Variants in GRIN2A observed in about 807,000 individuals in gnomAD.
The protein encoded by GRIN2A is glutamate ionotropic receptor NMDA type subunit 2A, also known as glutamate receptor ionotropic, NMDA 2A.
In GRIN2A, 22 loss-of-function variants were observed where a neutral mutation model predicts 113.4. The ratio of observed to expected loss-of-function variants is 0.19; its 90% confidence interval spans 0.14 to 0.28. GRIN2A has a LOEUF of 0.28. GRIN2A is among the 10% of genes least tolerant of loss of function. GRIN2A has a pLI of 1.00. For missense variants in GRIN2A, 1,502 were observed against 1,887.0 expected (o/e 0.80, Z 3.78); for synonymous variants, 827 against 738.4 (o/e 1.12, Z -1.94).
At chr16:9,892,542 A>G (rs1021512404) in intron 3 of GRIN2A, among the ~76,000 whole-genome samples, 1 of 152,212 alleles carries the variant, frequency 6.6e-6, no homozygotes, top group South Asian at 2.1e-4. Flanking sequence ...AGAGGCATCA[A>G]CGATGACTCC....
chr16:9,801,655 C>A (rs1903368696), intron 10 of GRIN2A, among the ~76,000 whole-genome samples: 1 of 152,174 alleles, frequency 6.6e-6, no homozygotes, highest in African/African-American at 2.4e-5. Context: ...TCTTTGGGAA[C>A]AAAGTTTATA....
chr16:9,801,806 T>G (rs1903379479), intron 10 of GRIN2A, among the ~76,000 whole-genome samples: 1 of 152,116 alleles, frequency 6.6e-6, no homozygotes, highest in Non-Finnish European at 1.5e-5. Flanking sequence ...GGCACACAAT[T>G]GGGCCAGCCC....
At position 9,798,308 on chromosome 16, in the gene GRIN2A, G is replaced by C. The variant is rs748291723; in HGVS notation, c.2325C>G (p.Ile775Met). The C allele has an allele frequency of 1.2e-6, 2 of 1,614,014 alleles. No homozygotes were observed. The highest frequency in any genetic ancestry group is 4.5e-5 in the East Asian group (2 of 44,834). The change falls in exon 11 of 13, where the codon ATC becomes ATG. Residue 775 changes from isoleucine (I) to methionine (M), a missense_variant. Physicochemically the swap from Ile to Met is conservative, Grantham distance 10. Around this residue, in one of 7 missense-constraint regions of GRIN2A, gnomAD observed 101 missense variants for 240.4 expected, o/e 0.42. Coordinates refer to ENST00000330684, the MANE Select transcript of GRIN2A (RefSeq NM_001134407.3). ...LQKGSPWKRQIDLALLQFVGD... is the reference protein window; with the variant it reads ...LQKGSPWKRQMDLALLQFVGD... ...CCACAAACTGAAGCAAGGCCAGGTC[G>C]ATCTGCCTCTTCCAAGGAGAGCCTT...
Position 10,052,107 on chromosome 16 carries a change from C to T in GRIN2A, c.415-113556G>A, listed in dbSNP as rs112189374. On this transcript the variant is annotated intron_variant, in intron 2 of 12. Coordinates refer to ENST00000330684, the MANE Select transcript of GRIN2A (RefSeq NM_001134407.3). ...ATAGTGGCCAGTAGACAATGGCACACATGCCCAAAACATTGTCATCAGGAA... is the reference window on the plus strand; with the variant it reads ...ATAGTGGCCAGTAGACAATGGCACATATGCCCAAAACATTGTCATCAGGAA... Among the ~76,000 whole-genome samples, 299 of 152,318 alleles carry T rather than the reference C, an allele frequency of 2.0e-3. 2 individuals carry two copies. The highest frequency in any genetic ancestry group is 7.0e-3 in the African/African-American group (290 of 41,564).
intron 2 of GRIN2A, among the ~76,000 whole-genome samples, chr16:10,165,689 GGGGAGGGGAGAAA>G: frequency 1.6e-4 from 2 of 12,516 alleles, no homozygotes; most frequent in African/African-American, 3.4e-4. Flanking sequence ...GGGGAGGGGA[GGGGAGGGGAGAAA>G]GGAGGGGAGG....
At chr16:9,991,544 C>A (rs2046112701) in intron 2 of GRIN2A, among the ~76,000 whole-genome samples, 1 of 152,184 alleles carries the variant, frequency 6.6e-6, no homozygotes, top group Non-Finnish European at 1.5e-5. Context: ...TCATTCTTCA[C>A]CTCCTCCCAT....
intron 2 of GRIN2A, among the ~76,000 whole-genome samples, chr16:10,042,387 C>T (rs7197547): frequency 0.54 from 81,623 of 151,738 alleles, 22,872 homozygotes; most frequent in East Asian, 0.94. Flanking sequence ...AGCAGCCCCA[C>T]GGAGAGGTTC....
intron 12 of GRIN2A, among the ~76,000 whole-genome samples, chr16:9,767,815 T>A (rs1901013794): frequency 1.3e-5 from 2 of 152,252 alleles, no homozygotes; most frequent in African/African-American, 4.8e-5. Flanking sequence ...TACACCTGTG[T>A]TTCCTTTCAT....
At chr16:9,992,261 C>T (rs780604478) in intron 2 of GRIN2A, among the ~76,000 whole-genome samples, 2 of 151,986 alleles carry the variant, frequency 1.3e-5, no homozygotes, top group African/African-American at 4.8e-5. Flanking sequence ...TAATAAGAAG[C>T]CTTCTCAGAG....
At chr16:9,804,374 A>G (rs558553332) in intron 10 of GRIN2A, among the ~76,000 whole-genome samples, 1 of 152,224 alleles carries the variant, frequency 6.6e-6, no homozygotes, top group East Asian at 1.9e-4. Flanking sequence ...AGAGCATCCA[A>G]CTGAAAGCCC....
intron 2 of GRIN2A, among the ~76,000 whole-genome samples, chr16:10,070,705 C>T (rs2047732802): frequency 6.6e-6 from 1 of 152,200 alleles, no homozygotes; most frequent in Admixed American, 6.5e-5. Context: ...CCCTCTACTC[C>T]TGTGTGGACC....
intron 4 of GRIN2A, among the ~76,000 whole-genome samples, chr16:9,875,825 G>A (rs1196859913): frequency 6.6e-6 from 1 of 152,154 alleles, no homozygotes; most frequent in Non-Finnish European, 1.5e-5. Flanking sequence ...GGTCTTTCAG[G>A]AAGTTTTTTC....
chr16:9,908,930 G>A (rs2044080091), intron 3 of GRIN2A, among the ~76,000 whole-genome samples: 3 of 152,208 alleles, frequency 2.0e-5, no homozygotes, highest in African/African-American at 7.2e-5. Context: ...GGTCAGCCAG[G>A]AGCAAGTGGT....
At chr16:10,084,434 T>A (rs1049465789) in intron 2 of GRIN2A, among the ~76,000 whole-genome samples, 1 of 152,080 alleles carries the variant, frequency 6.6e-6, no homozygotes, top group Non-Finnish European at 1.5e-5. Context: ...GAACCTGGGG[T>A]CCAACACCAA....
chr16:9,976,843 C>T (rs2045783051), intron 2 of GRIN2A, among the ~76,000 whole-genome samples: 1 of 152,200 alleles, frequency 6.6e-6, no homozygotes, highest in South Asian at 2.1e-4. Context: ...GCCAGCCTGA[C>T]ACCACATCGC....
At chr16:10,005,625 G>C (rs1295500055) in intron 2 of GRIN2A, among the ~76,000 whole-genome samples, 1 of 152,162 alleles carries the variant, frequency 6.6e-6, no homozygotes. Context: ...TATCACTGGA[G>C]CTTTTAAATC....
At chr16:10,111,754 C>T (rs752197922) in intron 2 of GRIN2A, 17 of 1,511,200 alleles carry the variant, frequency 1.1e-5, no homozygotes, top group Non-Finnish European at 1.5e-5. Flanking sequence ...GAGCCCCTCA[C>T]ACACTGTGGG....
At chr16:9,787,547 A>AT in intron 11 of GRIN2A, among the ~76,000 whole-genome samples, 1 of 152,186 alleles carries the variant, frequency 6.6e-6, no homozygotes, top group Non-Finnish European at 1.5e-5. Context: ...TCTTGTTCTC[A>AT]GGACCTCCTG....
At position 10,150,165 on chromosome 16, in the gene GRIN2A, A is replaced by G. The variant is rs182052176; in HGVS notation, c.414+29833T>C. Among the ~76,000 whole-genome samples, 8 of 152,316 alleles carry G rather than the reference A, an allele frequency of 5.3e-5. No individual in the cohort carries two copies. In the East Asian group the frequency reaches 1.5e-3, roughly 29 times the overall value. ...TGGGTTACAGTCTGTTTACACATCC[A>G]GTTAGGTTGCAGTTCACTACTTATG... On this transcript the variant is annotated intron_variant, in intron 2 of 12. Transcript: ENST00000330684.
Sources: allele counts gnomAD v4.1 joint callset (sites outside exome capture counted in the v4.1 genomes callset), GRCh38; gene constraint gnomAD v4.1.1; regional missense constraint gnomAD v4.1.1; transcripts MANE v1.5; gene names NCBI Gene and HGNC (gene_info 2026-07-23, HGNC 2026-07-21).